Variants in RPRD2 observed in about 807,000 individuals in gnomAD.
RPRD2 encodes the protein regulation of nuclear pre-mRNA domain containing 2.
In RPRD2, 12 loss-of-function variants were observed where a neutral mutation model predicts 104.4. That is an observed-to-expected ratio of 0.11 (90% confidence interval 0.07 to 0.19). The LOEUF (loss-of-function observed/expected upper bound fraction) is 0.19. Ranked by LOEUF, RPRD2 falls within the 10% of genes least tolerant of loss-of-function variation. The pLI is 1.00. For synonymous variants in RPRD2, 714 were observed against 684.9 expected (o/e 1.04, Z -0.66); for missense variants, 1,543 against 1,790.1 (o/e 0.86, Z 2.49).
intron 7 of RPRD2, among the ~76,000 whole-genome samples, chr1:150,446,866 G>A (rs886892849): frequency 1.1e-4 from 14 of 124,224 alleles, no homozygotes; most frequent in Admixed American, 5.3e-4. Flanking sequence ...GGAGTTTGTC[G>A]CTCTTGTTGC....
intron 7 of RPRD2, among the ~76,000 whole-genome samples, chr1:150,452,516 C>T (rs1197246114): frequency 1.3e-5 from 2 of 152,088 alleles, no homozygotes; most frequent in Non-Finnish European, 2.9e-5. Flanking sequence ...ACCAGACTTT[C>T]GATGTATTCA....
chr1:150,376,339 A>G (rs1303571230), intron 1 of RPRD2, among the ~76,000 whole-genome samples: 2 of 152,056 alleles, frequency 1.3e-5, no homozygotes, highest in African/African-American at 2.4e-5. Context: ...GTGATTCTTT[A>G]TTACCCTTTA....
chr1:150,403,224 T>A (rs1263616768), intron 1 of RPRD2, among the ~76,000 whole-genome samples: 2 of 152,220 alleles, frequency 1.3e-5, no homozygotes, highest in African/African-American at 4.8e-5. Context: ...GATTTAATAC[T>A]TGCATACATA....
At chr1:150,433,350 A>G (rs1665733667) in intron 2 of RPRD2, among the ~76,000 whole-genome samples, 1 of 149,918 alleles carries the variant, frequency 6.7e-6, no homozygotes, top group South Asian at 2.1e-4. Flanking sequence ...GAAATTTACC[A>G]TCAACAGACA....
At chr1:150,407,566 A>T (rs1663574218) in intron 1 of RPRD2, among the ~76,000 whole-genome samples, 1 of 152,194 alleles carries the variant, frequency 6.6e-6, no homozygotes, top group South Asian at 2.1e-4. Context: ...AGTTTGAATG[A>T]TAATGTACTC....
intron 2 of RPRD2, among the ~76,000 whole-genome samples, chr1:150,439,627 C>CTTTTTTT (rs66814229): frequency 3.5e-5 from 5 of 142,290 alleles, no homozygotes; most frequent in Non-Finnish European, 4.6e-5. Context: ...TTTGACATAG[C>CTTTTTTT]TTTTTTTTTT....
intron 8 of RPRD2, among the ~76,000 whole-genome samples, chr1:150,459,083 CTT>C (rs587722513): frequency 2.5e-4 from 38 of 152,314 alleles, no homozygotes; most frequent in Admixed American, 1.1e-3. Context: ...TTCTCTGTCA[CTT>C]TTGACCATCA....
chr1:150,440,391 C>G (rs1365581596), intron 2 of RPRD2, among the ~76,000 whole-genome samples: 1 of 152,214 alleles, frequency 6.6e-6, no homozygotes, highest in Admixed American at 6.5e-5. Flanking sequence ...GTTAGGTAGC[C>G]AACTTGAACC....
chr1:150,410,954 G>A (rs587637388), intron 1 of RPRD2, among the ~76,000 whole-genome samples: 5 of 152,202 alleles, frequency 3.3e-5, no homozygotes, highest in South Asian at 2.1e-4. Context: ...CCTCAGCCTC[G>A]CAGGCTCAAG....
Position 150,471,807 on chromosome 1 carries a change from G to A in RPRD2, c.2859G>A (p.Gly953=), listed in dbSNP as rs1014946108. The A allele has an allele frequency of 1.9e-5, 30 of 1,613,654 alleles. No homozygotes were observed. The highest frequency in any genetic ancestry group is 2.2e-5 in the Non-Finnish European group (26 of 1,179,840). The change falls in exon 11 of 11, where the codon GGG becomes GGA. Residue 953 remains glycine (G), a synonymous_variant. Transcript: ENST00000369068. The surrounding 1 kb of genome is among the most constrained non-coding windows in gnomAD (Gnocchi z 5.3). The stretch of plus-strand genomic sequence containing the variant: ...ATAGCTTGTCTCAATCTACCACTGG[G>A]CATCTCAGTTTGCCACAGAAGCAGT... ...NHNSLSQSTT[G]HLSLPQKQYP...
chr1:150,394,336 C>T (rs587631718), intron 1 of RPRD2, among the ~76,000 whole-genome samples: 1 of 152,220 alleles, frequency 6.6e-6, no homozygotes, highest in South Asian at 2.1e-4. Context: ...AGGCGTGAAC[C>T]ACTGCACCAG....
At chr1:150,468,262 GGA>G in intron 10 of RPRD2, among the ~76,000 whole-genome samples, 1 of 151,990 alleles carries the variant, frequency 6.6e-6, no homozygotes, top group Non-Finnish European at 1.5e-5. Context: ...GGCCACGATG[GGA>G]GGATCACTTG....
At chr1:150,376,649 C>T (rs1402588092) in intron 1 of RPRD2, among the ~76,000 whole-genome samples, 2 of 151,618 alleles carry the variant, frequency 1.3e-5, no homozygotes, top group South Asian at 2.1e-4. Context: ...TACAGGCGCC[C>T]GCCACCACGC....
chr1:150,387,692 A>G lies in RPRD2; in HGVS notation c.205+22773A>G, dbSNP rs587624196. ...CTGCAACCTCTGCCTCCTGGGTTCA[A>G]GTGGTTCTCCTGCATCAGCCTCCCC... On this transcript the variant is annotated intron_variant, in intron 1 of 10. Coordinates refer to ENST00000369068, the MANE Select transcript of RPRD2 (RefSeq NM_015203.5). Among the ~76,000 whole-genome samples the G allele has an allele frequency of 5.1e-5, 7 of 136,160 alleles. 1 individual carries two copies. In the South Asian group the frequency reaches 1.6e-3, roughly 32 times the overall value. The allele number at this position is 136,160 out of a possible 152,430, so 89.3% of individuals were successfully genotyped here.
chr1:150,387,567 CTTTTTTTTTTTTTTTTTTTTTTTTTTT>C (rs562476167), intron 1 of RPRD2, among the ~76,000 whole-genome samples: 6 of 73,800 alleles, frequency 8.1e-5, no homozygotes, highest in Non-Finnish European at 1.5e-4. Flanking sequence ...TGCAACAGAC[CTTTTTTTTTTTTTTTTTTTTTTTTTTT>C]TTTTTTTTTT....
intron 2 of RPRD2, among the ~76,000 whole-genome samples, chr1:150,435,282 G>A (rs1453422574): frequency 2.6e-5 from 4 of 151,980 alleles, no homozygotes; most frequent in South Asian, 4.2e-4. Context: ...CCACAATATC[G>A]AAATTAGAAC....
intron 7 of RPRD2, among the ~76,000 whole-genome samples, chr1:150,449,500 T>A (rs1190309199): frequency 2.6e-5 from 4 of 152,090 alleles, no homozygotes; most frequent in African/African-American, 9.7e-5. Context: ...TTCTATTTTG[T>A]CTCCTGTTTT....
Position 150,364,159 on chromosome 1 carries a change from C to T in RPRD2, c.-556C>T, listed in dbSNP as rs1282918259. On this transcript the variant is annotated 5_prime_UTR_variant, in exon 1 of 11. Coordinates refer to ENST00000369068, the MANE Select transcript of RPRD2 (RefSeq NM_015203.5). ...GCGCGTGCGCGATACTGTTGCTGCC[C>T]CTTTGCTGCTATTGCGTTGCAAAAA... Among the ~76,000 whole-genome samples, 1 of 152,166 alleles carries T rather than the reference C, an allele frequency of 6.6e-6. No individual in the cohort carries two copies. The highest frequency in any genetic ancestry group is 6.5e-5 in the Admixed American group (1 of 15,272).
intron 1 of RPRD2, among the ~76,000 whole-genome samples, chr1:150,381,393 G>C (rs1388768188): frequency 6.6e-6 from 1 of 152,048 alleles, no homozygotes; most frequent in Non-Finnish European, 1.5e-5. Context: ...CTGCACTCCA[G>C]CCTGGAAAAC....
Sources: allele counts gnomAD v4.1 joint callset (sites outside exome capture counted in the v4.1 genomes callset), GRCh38; gene constraint gnomAD v4.1.1; non-coding constraint Gnocchi (gnomAD v3.1); transcripts MANE v1.5; gene names NCBI Gene and HGNC (gene_info 2026-07-23, HGNC 2026-07-21).